CTBP1: variants seen among roughly 807,000 people sequenced by gnomAD.
CTBP1 encodes the protein C-terminal-binding protein 1.
Under a neutral mutation model 42.1 loss-of-function variants are expected in CTBP1, and 11 were observed. The observed-to-expected ratio is 0.26, with a 90% CI of 0.16 to 0.43. CTBP1 has a LOEUF of 0.43. CTBP1 is among the 20% of genes least tolerant of loss of function. The pLI, the probability that CTBP1 is intolerant of heterozygous loss-of-function variation, is 1.00. For synonymous variants in CTBP1, 324 were observed against 277.1 expected (o/e 1.17, Z -1.68); for missense variants, 399 against 624.3 (o/e 0.64, Z 3.85).
chr4:1,242,105 C>T (rs1004111455), intron 1 of CTBP1: 1 of 985,384 alleles, frequency 1.0e-6, no homozygotes, highest in Non-Finnish European at 1.2e-6. Flanking sequence ...TCAATTCTCC[C>T]AAAAAAACTG....
At chr4:1,231,259 G>A (rs1730942432) in intron 3 of CTBP1, 1 of 152,230 alleles carries the variant, frequency 6.6e-6, no homozygotes, top group South Asian at 2.1e-4. Context: ...GCTGCCACGT[G>A]GCTGCTCCAC....
At chr4:1,245,730 T>C in intron 1 of CTBP1, 1 of 963,630 alleles carries the variant, frequency 1.0e-6, no homozygotes, top group Non-Finnish European at 1.2e-6. Context: ...CAGGTCAGGG[T>C]GGCACGTGTG....
intron 1 of CTBP1, chr4:1,245,048 G>C (rs1250096): frequency 0.87 from 855,206 of 985,212 alleles, 374,278 homozygotes; most frequent in East Asian, 0.97. Context: ...ACGGGGCCAA[G>C]AGAACCTCCC....
intron 3 of CTBP1, chr4:1,237,056 C>A (rs899915195): frequency 3.1e-6 from 2 of 644,034 alleles, no homozygotes; most frequent in Non-Finnish European, 5.7e-6. Flanking sequence ...CAGGACAAAC[C>A]GAGTGTGGGG....
At chr4:1,243,584 G>GC in intron 1 of CTBP1, 4 of 985,378 alleles carry the variant, frequency 4.1e-6, no homozygotes, top group Non-Finnish European at 4.8e-6. Flanking sequence ...CCCACAAAGC[G>GC]CCCCCTGCCG....
intron 4 of CTBP1, 116 bp downstream of exon 4, chr4:1,228,083 C>T (rs932837975): frequency 1.6e-4 from 228 of 1,430,968 alleles, no homozygotes; most frequent in Non-Finnish European, 1.9e-4. Flanking sequence ...CACCGCCAGC[C>T]ACACCAGGCA....
chr4:1,244,850 C>T (rs1450663786), intron 1 of CTBP1: 5 of 985,344 alleles, frequency 5.1e-6, no homozygotes, highest in Non-Finnish European at 6.0e-6. Flanking sequence ...AAGACTAGGG[C>T]CTGGCGGTGC....
intron 3 of CTBP1, chr4:1,234,758 C>T (rs1029477378): frequency 6.6e-6 from 1 of 152,204 alleles, no homozygotes; most frequent in African/African-American, 2.4e-5. Flanking sequence ...ATGAGAAAAC[C>T]GTACCTAACA....
intron 5 of CTBP1, among the ~76,000 whole-genome samples, chr4:1,220,184 G>C (rs1413085119): frequency 7.1e-6 from 1 of 140,990 alleles, no homozygotes; most frequent in Admixed American, 7.3e-5. Context: ...CCTGGCAAGA[G>C]AGTGTGACTC....
chr4:1,214,954 T>A (rs1004652642), intron 6 of CTBP1, among the ~76,000 whole-genome samples: 18 of 152,364 alleles, frequency 1.2e-4, no homozygotes, highest in African/African-American at 3.4e-4. Flanking sequence ...AGGCTCGCTT[T>A]TCATGCACTT....
At chr4:1,213,633 C>T (rs1292965044) in intron 7 of CTBP1, 28 bp from the exon 8 acceptor site, 1 of 1,606,060 alleles carries the variant, frequency 6.2e-7, no homozygotes, top group Non-Finnish European at 8.5e-7. Context: ...ATGGTCAGTG[C>T]AGCCTGAGTG....
rs117159960 is a variant in CTBP1, at chr4:1,216,853, G to A, written c.515-648C>T. 3.7e-3 allele frequency: 592 copies of A among 161,308 alleles called. 4 individuals carry two copies. The East Asian group carries it at 0.041, about 11-fold the overall frequency. The allele number at this position is 161,308 out of a possible 1,614,324, so 10.0% of individuals were successfully genotyped here. A position where few individuals can be genotyped will look rare whatever the true frequency, so the allele number is the denominator to read the frequency against. ...TGGCTGGGGCCGGCTCCTCCTCGGG[G>A]AAGGGTCTGCAGAGTGCTCGTGCCC... On this transcript the variant is annotated intron_variant, in intron 5 of 9. Transcript: ENST00000382952.
intron 4 of CTBP1, among the ~76,000 whole-genome samples, chr4:1,226,486 C>G (rs746871164): frequency 1.1e-4 from 16 of 151,634 alleles, no homozygotes; most frequent in Non-Finnish European, 1.9e-4. Flanking sequence ...GGCTGCATAG[C>G]CCCTAGACAC....
Position 1,211,988 on chromosome 4 carries a change from A to C in CTBP1, c.*252T>G. 20 of 338,236 alleles carry C rather than the reference A, an allele frequency of 5.9e-5. No individual in the cohort carries two copies. Among genetic ancestry groups the C allele is most frequent in the East Asian group, 1.8e-4 (4 of 21,938 alleles). 21.0% of individuals were successfully genotyped at this position (338,236 alleles called of 1,614,324 possible). A position where few individuals can be genotyped will look rare whatever the true frequency, so the allele number is the denominator to read the frequency against. ...ATGTTCTAAAAACTGTACACAGACA[A>C]GAACGTTCATGGGAGAATAACTACT... On this transcript the variant is annotated 3_prime_UTR_variant, in exon 10 of 10. Transcript: ENST00000382952.
At chr4:1,242,523 ACT>A in intron 1 of CTBP1, 1 of 984,828 alleles carries the variant, frequency 1.0e-6, no homozygotes, top group Non-Finnish European at 1.2e-6. Context: ...CCAACCCTCA[ACT>A]CCCTCTGCAG....
At chr4:1,248,774 C>A (rs980696683) in intron 1 of CTBP1, 142 bp downstream of exon 1, 4 of 968,590 alleles carry the variant, frequency 4.1e-6, no homozygotes, top group Non-Finnish European at 3.7e-6. Context: ...CACGCGCGGA[C>A]GCCGGCGCGC....
chr4:1,242,412 G>A, intron 1 of CTBP1: 2 of 985,366 alleles, frequency 2.0e-6, no homozygotes, highest in Non-Finnish European at 2.4e-6. Context: ...CGTGGGCTGA[G>A]ACGACTGCCT....
At chr4:1,241,654 G>T in intron 1 of CTBP1, 135 bp from the exon 2 acceptor site, 2 of 1,329,200 alleles carry the variant, frequency 1.5e-6, no homozygotes, top group Non-Finnish European at 2.0e-6. Context: ...GACCTACCTG[G>T]ACTCGGGGGC....
chr4:1,213,340 G>A, intron 8 of CTBP1, 138 bp downstream of exon 8: 1 of 1,384,360 alleles, frequency 7.2e-7, no homozygotes, highest in African/African-American at 1.4e-5. Context: ...AGAGGTCCCT[G>A]CTGGGGGTGC....
Sources: gnomAD v4.1 joint callset for allele counts (sites outside exome capture counted in the v4.1 genomes callset) on GRCh38, gnomAD v4.1.1 for gene constraint, MANE v1.5 for transcripts, NCBI Gene and HGNC (gene_info 2026-07-23, HGNC 2026-07-21) for gene names.